The following DMPK variants were observed in gnomAD, a reference collection of about 807,000 sequenced individuals.
DMPK encodes the protein DM1 protein kinase.
A neutral mutation model predicts 70.3 loss-of-function variants in DMPK; 32 were observed. The observed-to-expected ratio is 0.46, with a 90% CI of 0.34 to 0.61. The LOEUF is 0.61. Among genes scored for constraint, DMPK ranks in the 20% least tolerant of loss-of-function variants. The pLI is 0.01. For missense variants in DMPK, 899 were observed against 886.0 expected (o/e 1.01, Z -0.19); for synonymous variants, 469 against 390.9 (o/e 1.20, Z -2.36).
In DMPK at chr19:45,774,935, A is replaced by G; in HGVS notation, c.1232+14T>C. On this transcript the variant is annotated intron_variant, in intron 9 of 14. Transcript: ENST00000291270. ...GCCTCGTGGCCCCTGGAGGCCGTCC[A>G]GGGCAGTGCTTACCTGAGGGCCATG... The G allele has an allele frequency of 6.2e-7, 1 of 1,611,770 alleles. No homozygotes were observed. Among genetic ancestry groups the G allele is most frequent in the Non-Finnish European group, 8.5e-7 (1 of 1,178,168 alleles).
rs768559586 is a variant in DMPK at position 45,771,758 on chromosome 19, CCCCGAT to C, written c.1502+7_1502+12del. ...GCCCGCATCCCGGCCCCGGCCCCGG[CCCCGAT>C]CCCGACCTGGCGAAGTTCTGGTTGT... On this transcript the variant is annotated splice_region_variant and intron_variant, in intron 11 of 14. Transcript: ENST00000291270. The C allele has an allele frequency of 3.2e-6, 5 of 1,585,046 alleles. No homozygotes were observed. The South Asian group carries it at 3.4e-5, about 11-fold the overall frequency.
At chr19:45,772,852 ACCT>A (rs1175879004) in intron 9 of DMPK, 100 bp from the exon 10 acceptor site, 3 of 591,530 alleles carry the variant, frequency 5.1e-6, no homozygotes, top group East Asian at 3.5e-5. Context: ...TGCTTCCAAG[ACCT>A]CCTGATTTGA....
Position 45,777,541 on chromosome 19 carries a change from C to G in DMPK, c.932G>C (p.Arg311Pro). The G allele has an allele frequency of 6.2e-7, 1 of 1,613,616 alleles. No individual in the cohort carries two copies. Among genetic ancestry groups the G allele is most frequent in the Non-Finnish European group, 8.5e-7 (1 of 1,180,006 alleles). ...ACACAGCAACCGCTGAATGAAGTCT[C>G]GAGCCTCCTCAGGGACCCCTTCGTC... ...LVDEGVPEEARDFIQRLLCPP... is the reference protein window; with the variant it reads ...LVDEGVPEEAPDFIQRLLCPP... The change falls in exon 8 of 15, where the codon CGA becomes CCA. Residue 311 changes from arginine to proline, a missense_variant. Around this residue, in one of 3 missense-constraint regions of DMPK, gnomAD observed 555 missense variants for 483.8 expected, o/e 1.15. Transcript: ENST00000291270. This position sits in a 1 kb window ranked among gnomAD's most constrained non-coding sequence, Gnocchi z 6.7.
chr19:45,779,228 T>C (rs1445870477), intron 4 of DMPK, 36 bp downstream of exon 4: 19 of 1,600,250 alleles, frequency 1.2e-5, no homozygotes, highest in Non-Finnish European at 1.6e-5. Context: ...CACGGGCTCT[T>C]GTCCCTCTTC....
chr19:45,771,455 G>A (rs1193777025), intron 12 of DMPK, 59 bp from the exon 13 acceptor site: 2 of 1,609,738 alleles, frequency 1.2e-6, no homozygotes, highest in African/African-American at 1.3e-5. Flanking sequence ...GCGGTGGCGC[G>A]GCGTGCCCCA....
rs771093221 is a variant in DMPK at position 45,782,260 on chromosome 19, G to A, written c.93C>T (p.Gly31=). The A allele has an allele frequency of 3.4e-5, 55 of 1,608,882 alleles. No homozygotes were observed. The highest frequency in any genetic ancestry group is 3.9e-5 in the Non-Finnish European group (46 of 1,178,424). ...CGGAGGCGCCCAGCTCCTGGTGGACGCCCAGGAGAAGGTCGAGCAGGGGCT... is the reference window on the plus strand; with the variant it reads ...CGGAGGCGCCCAGCTCCTGGTGGACACCCAGGAGAAGGTCGAGCAGGGGCT... ...GLEPLLDLLL[G]VHQELGASEL... Residue 31 remains glycine, a synonymous_variant, in exon 1 of 15, where the codon GGC becomes GGT. Transcript: ENST00000291270.
chr19:45,778,755 C>T (rs1969930904), intron 4 of DMPK, 114 bp from the exon 5 acceptor site: 1 of 1,142,582 alleles, frequency 8.8e-7, no homozygotes, highest in African/African-American at 1.6e-5. Flanking sequence ...GACCTGCAGC[C>T]CCAGCCCAGA....
chr19:45,778,592 C>T lies in DMPK; in HGVS notation c.482G>A (p.Ser161Asn), dbSNP rs1177492509. ...YVGGDLLTLLSKFGERIPAEM... is the reference protein window; with the variant it reads ...YVGGDLLTLLNKFGERIPAEM... The stretch of plus-strand genomic sequence containing the variant: ...GGCCGGAATCCGCTCCCCAAACTTG[C>T]TCAGCAGTGTCAGCAGGTCCCCGCC... The change falls in exon 5 of 15, where the codon AGC becomes AAC. Residue 161 changes from serine to asparagine, a missense_variant. By Grantham distance (46) the Ser-to-Asn change is conservative. This residue lies in a region of DMPK where 195 missense variants were observed against 259.7 expected (regional missense o/e 0.75). Coordinates refer to ENST00000291270, the MANE Select transcript of DMPK (RefSeq NM_004409.5). 6.2e-7 allele frequency: 1 copy of T among 1,614,022 alleles called. No homozygotes were observed. Among genetic ancestry groups the T allele is most frequent in the African/African-American group, 1.3e-5 (1 of 75,058 alleles).
At chr19:45,778,455 G>C (rs768556739) in intron 5 of DMPK, 38 bp downstream of exon 5, 1 of 1,603,442 alleles carries the variant, frequency 6.2e-7, no homozygotes, top group Non-Finnish European at 8.5e-7. Flanking sequence ...CCCGGCCAGG[G>C]AACAAGCTTG....
chr19:45,780,598 T>A, intron 1 of DMPK: 1 of 1,023,104 alleles, frequency 9.8e-7, no homozygotes, highest in Non-Finnish European at 1.2e-6. Context: ...GGTGGAGGCT[T>A]GTGGCTCAGG....
At chr19:45,771,313 C>A in intron 13 of DMPK, 37 bp downstream of exon 13, 1 of 1,566,564 alleles carries the variant, frequency 6.4e-7, no homozygotes, top group Admixed American at 2.0e-5. Context: ...GCAGAATGGG[C>A]AGCAGGTCTG....
chr19:45,772,328 G>A, intron 10 of DMPK: 1 of 362,472 alleles, frequency 2.8e-6, no homozygotes, highest in South Asian at 5.1e-5. Context: ...ATTCCCACCT[G>A]CCCAAGGCCT....
rs1969381334 is a variant in DMPK at position 45,770,957 on chromosome 19, G to C, written c.1737+14C>G. ...GGCGCGACGGCGGAGGGGGGCGTGGGCAGCCGGACGTACCCTGGCAGGGAG... is the reference window on the plus strand; with the variant it reads ...GGCGCGACGGCGGAGGGGGGCGTGGCCAGCCGGACGTACCCTGGCAGGGAG... On this transcript the variant is annotated intron_variant, in intron 14 of 14. Transcript: ENST00000291270. 4.9e-6 allele frequency: 7 copies of C among 1,417,602 alleles called. No homozygotes were observed. Among genetic ancestry groups the C allele is most frequent in the Non-Finnish European group, 6.4e-6 (7 of 1,091,200 alleles). The allele number at this position is 1,417,602 out of a possible 1,614,324, so 87.8% of individuals were successfully genotyped here. A position where few individuals can be genotyped will look rare whatever the true frequency, so the allele number is the denominator to read the frequency against.
At position 45,771,023 on chromosome 19, in the gene DMPK, G is replaced by T; in HGVS notation, c.1685C>A (p.Pro562Gln). Residue 562 changes from proline to glutamine, a missense_variant, in exon 14 of 15, where the codon CCG becomes CAG. Pro to Gln is a moderately conservative substitution (Grantham distance 76). This residue lies in a region of DMPK where 555 missense variants were observed against 483.8 expected (regional missense o/e 1.15). Transcript: ENST00000291270. ...GPPAVAVGQC[P>Q]LVGPGPMHRR... ...GTGCATGGGGCCTGGCCCCACCAGC[G>T]GGCACTGGCCCACAGCCACGGCCGG... 1 of 1,483,752 alleles carries T rather than the reference G, an allele frequency of 6.7e-7. No homozygotes were observed. Among genetic ancestry groups the T allele is most frequent in the Non-Finnish European group, 8.9e-7 (1 of 1,120,444 alleles). The allele number at this position is 1,483,752 out of a possible 1,614,324, so 91.9% of individuals were successfully genotyped here.
rs961098004 is a variant in DMPK, at chr19:45,776,902, G to C, written c.1146+425C>G. 8 of 170,892 alleles carry C rather than the reference G, an allele frequency of 4.7e-5. 1 individual carries two copies. In the South Asian group the frequency reaches 1.3e-3, roughly 27 times the overall value. The allele number at this position is 170,892 out of a possible 1,614,324, so 10.6% of individuals were successfully genotyped here. A position where few individuals can be genotyped will look rare whatever the true frequency, so the allele number is the denominator to read the frequency against. On this transcript the variant is annotated intron_variant, in intron 8 of 14. Coordinates refer to ENST00000291270, the MANE Select transcript of DMPK (RefSeq NM_004409.5). ...CGTGCTGGATCCCCAGTATTGTTCA[G>C]CAAAAGGGCACCCAGAGCCGAGCAA...
chr19:45,770,472 A>G lies in DMPK; in HGVS notation c.*16T>C, dbSNP rs190905403. The stretch of plus-strand genomic sequence containing the variant: ...GTCTTCCAACGGGGCCCCGGAGTCG[A>G]AGACAGTTCTAGGGTTCAGGGAGCG... On this transcript the variant is annotated 3_prime_UTR_variant, in exon 15 of 15. Coordinates refer to ENST00000291270, the MANE Select transcript of DMPK (RefSeq NM_004409.5). 20 of 1,549,850 alleles carry G rather than the reference A, an allele frequency of 1.3e-5. No homozygotes were observed. The highest frequency in any genetic ancestry group is 1.7e-5 in the Non-Finnish European group (20 of 1,146,764).
intron 1 of DMPK, 42 bp downstream of exon 1, chr19:45,782,149 CCA>C: frequency 1.0e-6 from 1 of 969,878 alleles, no homozygotes; most frequent in Non-Finnish European, 1.4e-6. Flanking sequence ...GTCTCCTGCC[CCA>C]CCCCCACCCC....
At chr19:45,776,134 A>ATTTTTTTT (rs534946812) in intron 8 of DMPK, among the ~76,000 whole-genome samples, 2 of 48,370 alleles carry the variant, frequency 4.1e-5, no homozygotes, top group Non-Finnish European at 3.8e-5. Flanking sequence ...GGTCCAGCCT[A>ATTTTTTTT]TTTTTTTTTT....
rs1740078429 is a variant in DMPK, at chr19:45,770,071, A to G, written c.*417T>C. ...GCACAAGAAAGCTTTGCACTTTGCG[A>G]ACCAACGATAGGTGGGGGTGCGTGG... On this transcript the variant is annotated 3_prime_UTR_variant, in exon 15 of 15. Transcript: ENST00000291270. 2.0e-6 allele frequency: 1 copy of G among 499,636 alleles called. No individual in the cohort carries two copies. Among genetic ancestry groups the G allele is most frequent in the Non-Finnish European group, 3.7e-6 (1 of 269,008 alleles). The allele number at this position is 499,636 out of a possible 1,614,324, so 31.0% of individuals were successfully genotyped here. A position where few individuals can be genotyped will look rare whatever the true frequency, so the allele number is the denominator to read the frequency against.
Sources: gnomAD v4.1 joint callset for allele counts (sites outside exome capture counted in the v4.1 genomes callset) on GRCh38, gnomAD v4.1.1 for gene constraint, gnomAD v4.1.1 regional missense constraint, Gnocchi (gnomAD v3.1) non-coding constraint, MANE v1.5 for transcripts, NCBI Gene and HGNC (gene_info 2026-07-23, HGNC 2026-07-21) for gene names.